Variants in MCF2L2 observed in about 807,000 individuals in gnomAD.
The protein encoded by MCF2L2 is MCF.2 cell line derived transforming sequence-like 2.
Under a neutral mutation model 150.2 loss-of-function variants are expected in MCF2L2, and 102 were observed. The ratio of observed to expected loss-of-function variants is 0.68; its 90% confidence interval spans 0.58 to 0.80. The LOEUF is 0.80. Among genes scored for constraint, MCF2L2 ranks in the 30% least tolerant of loss-of-function variants. MCF2L2 has a pLI of 0.00. For synonymous variants in MCF2L2, 465 were observed against 491.3 expected (o/e 0.95, Z 0.71); for missense variants, 1,256 against 1,372.8 (o/e 0.91, Z 1.34).
At chr3:183,210,330 T>C (rs1722648433) in intron 22 of MCF2L2, among the ~76,000 whole-genome samples, 1 of 152,152 alleles carries the variant, frequency 6.6e-6, no homozygotes, top group Admixed American at 6.5e-5. Context: ...GTAAAATGCA[T>C]ATAATAAAGC....
chr3:183,180,002 A>G, intron 28 of MCF2L2, 69 bp downstream of exon 28: 1 of 1,209,068 alleles, frequency 8.3e-7, no homozygotes, highest in South Asian at 1.3e-5. Context: ...GGCTAGGGAC[A>G]GGAGGCAGGA....
chr3:183,228,351 C>T lies in MCF2L2; in HGVS notation c.2061G>A (p.Glu687=). The change falls in exon 18 of 30, where the codon GAG becomes GAA. Residue 687 remains glutamate (E), a synonymous_variant. Transcript: ENST00000328913. The stretch of plus-strand genomic sequence containing the variant: ...CAGGGTTCTCAGCACACTTTTCCAA[C>T]TCTTTTAGAAAAGTCCTAGAAAAAT... The part of the protein sequence containing the change: ...YEFHNRTFLK[E]LEKCAENPEL... 6.2e-7 allele frequency: 1 copy of T among 1,611,966 alleles called. No individual in the cohort carries two copies. The highest frequency in any genetic ancestry group is 8.5e-7 in the Non-Finnish European group (1 of 1,178,296).
intron 3 of MCF2L2, among the ~76,000 whole-genome samples, chr3:183,357,588 C>T (rs969549885): frequency 3.9e-5 from 6 of 152,136 alleles, no homozygotes; most frequent in Non-Finnish European, 7.3e-5. Flanking sequence ...CGCAAGCATA[C>T]GACACACCAT....
chr3:183,204,568 A>C (rs1435639774), intron 25 of MCF2L2, among the ~76,000 whole-genome samples: 3 of 152,170 alleles, frequency 2.0e-5, no homozygotes, highest in African/African-American at 7.2e-5. Flanking sequence ...TGTGAATGTG[A>C]AATGGTGGTA....
intron 25 of MCF2L2, among the ~76,000 whole-genome samples, 196 bp from the exon 26 acceptor site, chr3:183,195,451 C>A (rs1482458399): frequency 6.6e-6 from 1 of 152,168 alleles, no homozygotes; most frequent in East Asian, 1.9e-4. Context: ...GTGGTCCTGG[C>A]ATCCTCCCCA....
At chr3:183,272,052 C>G (rs192043368) in intron 15 of MCF2L2, 1 of 596,652 alleles carries the variant, frequency 1.7e-6, no homozygotes, top group African/African-American at 2.0e-5. Flanking sequence ...TCATCAATAA[C>G]TGTCAGAGGT....
intron 3 of MCF2L2, among the ~76,000 whole-genome samples, chr3:183,367,318 TG>T (rs1260851385): frequency 6.6e-6 from 1 of 151,778 alleles, no homozygotes; most frequent in Non-Finnish European, 1.5e-5. Context: ...CTCTGCTTCC[TG>T]GGTTCAAGCG....
At chr3:183,304,308 T>TA (rs1728994457) in intron 10 of MCF2L2, among the ~76,000 whole-genome samples, 1 of 151,996 alleles carries the variant, frequency 6.6e-6, no homozygotes, top group Admixed American at 6.6e-5. Flanking sequence ...CAAAGAGGAG[T>TA]ACTGGTATAG....
intron 25 of MCF2L2, among the ~76,000 whole-genome samples, chr3:183,203,195 A>G (rs1722354595): frequency 6.6e-6 from 1 of 152,214 alleles, no homozygotes; most frequent in Admixed American, 6.5e-5. Context: ...CCTGGGCTAC[A>G]GAGCAAGACT....
Position 183,276,933 on chromosome 3 carries a change from G to A in MCF2L2, c.1801C>T (p.His601Tyr). 1 of 1,609,440 alleles carries A rather than the reference G, an allele frequency of 6.2e-7. No homozygotes were observed. The highest frequency in any genetic ancestry group is 8.5e-7 in the Non-Finnish European group (1 of 1,177,604). ...VKSEEIFESH[H>Y]ERGNPELEQQ... ...TCCAGCTCAGGGTTCCCCCTTTCAT[G>A]ATGGCTTTCAAAGATTTCTTCACTC... is the stretch of plus-strand genomic sequence containing the variant. The change falls in exon 15 of 30, where the codon CAT becomes TAT. Residue 601 changes from histidine to tyrosine, a missense_variant. By Grantham distance (83) the His-to-Tyr change is moderately conservative (BLOSUM62 2). Coordinates refer to ENST00000328913, the MANE Select transcript of MCF2L2 (RefSeq NM_015078.4).
At position 183,227,113 on chromosome 3, in the gene MCF2L2, T is replaced by C. The variant is rs891472049; in HGVS notation, c.2115+1184A>G. The C allele has an allele frequency of 6.6e-6, 1 of 152,160 alleles. No homozygotes were observed. Among genetic ancestry groups the C allele is most frequent in the Non-Finnish European group, 1.5e-5 (1 of 68,030 alleles). 9.4% of individuals were successfully genotyped at this position (152,160 alleles called of 1,614,324 possible). On this transcript the variant is annotated intron_variant, in intron 18 of 29. Transcript: ENST00000328913. The surrounding 1 kb of genome is among the most constrained non-coding windows in gnomAD (Gnocchi z 4.0). ...ACTTTAAGTTGTTTGATCTGTTGCC[T>C]TGGGTTCACAAAAATAAAAATAAGA...
At position 183,270,513 on chromosome 3, in the gene MCF2L2, G is replaced by C. The variant is rs772844252; in HGVS notation, c.1862+6359C>G. On this transcript the variant is annotated intron_variant, in intron 15 of 29. Coordinates refer to ENST00000328913, the MANE Select transcript of MCF2L2 (RefSeq NM_015078.4). The surrounding 1 kb of genome is among the most constrained non-coding windows in gnomAD (Gnocchi z 4.5). ...TAGAGATAAAAGCAGCAAATACTAC[G>C]TGTCCTATGAAATGTACCAGTGGCC... 6.2e-7 allele frequency: 1 copy of C among 1,613,994 alleles called. No individual in the cohort carries two copies. The highest frequency in any genetic ancestry group is 1.3e-5 in the African/African-American group (1 of 74,908).
chr3:183,379,263 T>C, intron 3 of MCF2L2, 34 bp downstream of exon 3: 1 of 1,507,302 alleles, frequency 6.6e-7, no homozygotes, highest in Non-Finnish European at 9.1e-7. Flanking sequence ...ATAAAGCCAG[T>C]GCCTAAGGCG....
intron 7 of MCF2L2, among the ~76,000 whole-genome samples, chr3:183,317,811 G>A (rs557289126): frequency 2.0e-5 from 3 of 151,264 alleles, no homozygotes; most frequent in South Asian, 4.2e-4. Context: ...GCTTCCCACC[G>A]TTCTTCACTC....
chr3:183,193,381 C>G (rs1000916621), intron 26 of MCF2L2, among the ~76,000 whole-genome samples: 1 of 137,618 alleles, frequency 7.3e-6, no homozygotes, highest in Non-Finnish European at 1.5e-5. Flanking sequence ...GACAGAGTCT[C>G]GCTCTGTTGC....
intron 15 of MCF2L2, among the ~76,000 whole-genome samples, chr3:183,232,329 A>G (rs1365081648): frequency 6.6e-6 from 1 of 152,112 alleles, no homozygotes; most frequent in East Asian, 1.9e-4. Flanking sequence ...GCCAGCCAAC[A>G]CCTTGACTTT....
At chr3:183,207,519 A>G in intron 23 of MCF2L2, 89 bp downstream of exon 23, 2 of 1,013,712 alleles carry the variant, frequency 2.0e-6, no homozygotes, top group Non-Finnish European at 1.5e-6. Flanking sequence ...ACCTCTCTAC[A>G]CTGCAGCTTC....
chr3:183,396,876 T>C (rs1008575169), intron 1 of MCF2L2, among the ~76,000 whole-genome samples: 2 of 152,202 alleles, frequency 1.3e-5, no homozygotes, highest in African/African-American at 4.8e-5. Flanking sequence ...GATATCTGAA[T>C]GATGCAACCA....
chr3:183,298,381 G>A (rs960108312), intron 11 of MCF2L2: 1 of 152,086 alleles, frequency 6.6e-6, no homozygotes, highest in Non-Finnish European at 1.5e-5. Context: ...AATGCAACAC[G>A]CCAAAGTGGT....
Sources: allele counts gnomAD v4.1 joint callset (sites outside exome capture counted in the v4.1 genomes callset), GRCh38; gene constraint gnomAD v4.1.1; non-coding constraint Gnocchi (gnomAD v3.1); transcripts MANE v1.5; gene names NCBI Gene and HGNC (gene_info 2026-07-23, HGNC 2026-07-21).